MYO3B: variants seen among roughly 807,000 people sequenced by gnomAD.
MYO3B encodes myosin IIIB, also known as myosin-IIIb.
MYO3B carries 156 observed loss-of-function variants against 174.6 expected under a neutral mutation model. The observed-to-expected ratio is 0.89, with a 90% CI of 0.78 to 1.02. The LOEUF (loss-of-function observed/expected upper bound fraction) is 1.02, where lower values mean the gene tolerates loss of function less well. MYO3B is among the 50% of genes least tolerant of loss of function. The probability of loss-of-function intolerance (pLI) is 0.00; values close to 1 mark genes in which losing one functional copy is unlikely to be tolerated. For missense variants in MYO3B, 1,632 were observed against 1,639.4 expected, an observed-to-expected ratio of 1.00 and a Z score of 0.08; for synonymous variants, 563 against 569.1, an observed-to-expected ratio of 0.99 and a Z score of 0.15.
At chr2:170,470,789 T>C (rs956128919) in intron 25 of MYO3B, among the ~76,000 whole-genome samples, 2 of 152,214 alleles carry the variant, frequency 1.3e-5, no homozygotes, top group Non-Finnish European at 2.9e-5. Flanking sequence ...AAGTGGCATC[T>C]CATTGTAGTT....
At chr2:170,497,117 T>C (rs940630242) in intron 25 of MYO3B, among the ~76,000 whole-genome samples, 1 of 152,082 alleles carries the variant, frequency 6.6e-6, no homozygotes, top group Non-Finnish European at 1.5e-5. Context: ...CTGAAGCAGG[T>C]CATAAGACCC....
chr2:170,470,102 C>CAAAAAAA (rs34472083), intron 25 of MYO3B, among the ~76,000 whole-genome samples: 2 of 46,350 alleles, frequency 4.3e-5, no homozygotes, highest in African/African-American at 1.6e-4. Context: ...AACTCCGTCT[C>CAAAAAAA]AAAAAAAAAA....
At chr2:170,382,160 G>A in intron 10 of MYO3B, 48 bp downstream of exon 10, 3 of 1,495,930 alleles carry the variant, frequency 2.0e-6, no homozygotes, top group Middle Eastern at 1.7e-4. Flanking sequence ...TTTGTTTCAT[G>A]TGAATGGTCT....
chr2:170,265,992 T>C (rs2093380501), intron 7 of MYO3B, among the ~76,000 whole-genome samples: 1 of 152,170 alleles, frequency 6.6e-6, no homozygotes, highest in African/African-American at 2.4e-5. Context: ...ATGGCACACT[T>C]ACTTCTGAGC....
chr2:170,266,959 A>G (rs1234433624), intron 7 of MYO3B, among the ~76,000 whole-genome samples: 2 of 152,220 alleles, frequency 1.3e-5, no homozygotes, highest in African/African-American at 4.8e-5. Flanking sequence ...AGAATACATA[A>G]ATAAGCCAAA....
intron 9 of MYO3B, among the ~76,000 whole-genome samples, chr2:170,379,202 T>G (rs1352036026): frequency 6.6e-6 from 1 of 151,026 alleles, no homozygotes; most frequent in Non-Finnish European, 1.5e-5. Context: ...CAATTTTTTT[T>G]TTTTTTTTTT....
chr2:170,529,574 C>G (rs1188861262), intron 30 of MYO3B, among the ~76,000 whole-genome samples: 1 of 152,092 alleles, frequency 6.6e-6, no homozygotes. Flanking sequence ...AACCATTTCT[C>G]CATCCCTCAT....
chr2:170,434,706 A>G (rs2094738507), intron 22 of MYO3B, among the ~76,000 whole-genome samples: 2 of 152,362 alleles, frequency 1.3e-5, no homozygotes, highest in South Asian at 4.1e-4. Context: ...GAAGGCAAAG[A>G]ATTGAACATA....
At chr2:170,324,351 A>G (rs1210118020) in intron 7 of MYO3B, among the ~76,000 whole-genome samples, 2 of 152,342 alleles carry the variant, frequency 1.3e-5, no homozygotes, top group African/African-American at 4.8e-5. Flanking sequence ...CCCATTTCAA[A>G]TAAGGAACTT....
intron 30 of MYO3B, among the ~76,000 whole-genome samples, chr2:170,528,891 G>T (rs560168334): frequency 1.6e-4 from 24 of 152,276 alleles, no homozygotes; most frequent in African/African-American, 5.5e-4. Context: ...TCCCTAAACA[G>T]ACTTGCTGTC....
chr2:170,285,579 G>T (rs2093549877), intron 7 of MYO3B, among the ~76,000 whole-genome samples: 1 of 152,026 alleles, frequency 6.6e-6, no homozygotes, highest in Non-Finnish European at 1.5e-5. Context: ...TGGCCAGGCT[G>T]GTCTCAAACT....
chr2:170,426,338 CTTT>C (rs529286958), intron 22 of MYO3B, among the ~76,000 whole-genome samples: 7 of 133,858 alleles, frequency 5.2e-5, no homozygotes, highest in Admixed American at 7.5e-5. Context: ...GACCTCATCG[CTTT>C]TTTTTTTTTT....
At chr2:170,453,409 T>TACAC (rs35558091) in intron 23 of MYO3B, among the ~76,000 whole-genome samples, 4,065 of 131,196 alleles carry the variant, frequency 0.031, 184 homozygotes, top group African/African-American at 0.091. Context: ...GTTTACCATT[T>TACAC]ACACACACAC....
chr2:170,466,952 A>G (rs1449402693), intron 25 of MYO3B, among the ~76,000 whole-genome samples: 1 of 152,174 alleles, frequency 6.6e-6, no homozygotes, highest in East Asian at 1.9e-4. Flanking sequence ...ATACGTTTAT[A>G]TGTTATAAAT....
chr2:170,572,151 C>G (rs1309178126), intron 32 of MYO3B, among the ~76,000 whole-genome samples: 2 of 151,956 alleles, frequency 1.3e-5, no homozygotes, highest in Non-Finnish European at 2.9e-5. Context: ...TTTCTCTGGT[C>G]GGGCATGGTG....
At chr2:170,547,344 A>G (rs897168487) in intron 32 of MYO3B, among the ~76,000 whole-genome samples, 11 of 144,010 alleles carry the variant, frequency 7.6e-5, no homozygotes, top group African/African-American at 2.5e-4. Context: ...AAAAAAAAAA[A>G]GAAGTGTCCC....
At chr2:170,602,366 T>G in intron 32 of MYO3B, 1 of 615,602 alleles carries the variant, frequency 1.6e-6, no homozygotes, top group Non-Finnish European at 2.9e-6. Flanking sequence ...CTCCTCACCC[T>G]CTCCACTCTG....
chr2:170,303,776 G>A (rs183350167), intron 7 of MYO3B, among the ~76,000 whole-genome samples: 8 of 152,068 alleles, frequency 5.3e-5, no homozygotes, highest in Admixed American at 2.6e-4. Flanking sequence ...GTATCTATTC[G>A]TGTGTTTATG....
chr2:170,383,928 C>A, intron 12 of MYO3B, 114 bp downstream of exon 12: 2 of 791,300 alleles, frequency 2.5e-6, no homozygotes, highest in Non-Finnish European at 4.2e-6. Context: ...GGTGCTGACC[C>A]AAAGAGACAG....
Sources: gnomAD v4.1 joint callset for allele counts (sites outside exome capture counted in the v4.1 genomes callset) on GRCh38, gnomAD v4.1.1 for gene constraint, MANE v1.5 for transcripts, NCBI Gene and HGNC (gene_info 2026-07-23, HGNC 2026-07-21) for gene names.